Variants in TRDMT1 observed in about 807,000 individuals in gnomAD.
The protein encoded by TRDMT1 is tRNA aspartic acid methyltransferase 1, also known as tRNA (cytosine(38)-C(5))-methyltransferase.
TRDMT1 carries 49 observed loss-of-function variants against 51.2 expected under a neutral mutation model. The observed-to-expected ratio is 0.96, with a 90% CI of 0.76 to 1.21. The LOEUF (loss-of-function observed/expected upper bound fraction) is 1.21. TRDMT1 is among the 50% of genes most tolerant of loss of function. The pLI, the probability that TRDMT1 is intolerant of heterozygous loss-of-function variation, is 0.00. For synonymous variants in TRDMT1, 187 were observed against 164.6 expected (o/e 1.14, Z -1.04); for missense variants, 534 against 462.3 (o/e 1.16, Z -1.42).
intron 1 of TRDMT1, among the ~76,000 whole-genome samples, chr10:17,194,324 C>T (rs929272732): frequency 6.6e-6 from 1 of 152,116 alleles, no homozygotes; most frequent in Non-Finnish European, 1.5e-5. Flanking sequence ...AATTAAACTA[C>T]AGACCTTCGG....
At chr10:17,159,542 T>G (rs1166836624) in intron 6 of TRDMT1, among the ~76,000 whole-genome samples, 1 of 152,166 alleles carries the variant, frequency 6.6e-6, no homozygotes, top group African/African-American at 2.4e-5. Flanking sequence ...GATAATATAT[T>G]AATAATTTAA....
At chr10:17,156,202 T>C (rs1166529516) in intron 8 of TRDMT1, among the ~76,000 whole-genome samples, 4 of 151,734 alleles carry the variant, frequency 2.6e-5, no homozygotes, top group African/African-American at 9.7e-5. Flanking sequence ...TGAGTAGCAT[T>C]CAGAAAGCAC....
intron 1 of TRDMT1, among the ~76,000 whole-genome samples, chr10:17,176,121 G>T (rs1483062926): frequency 6.6e-6 from 1 of 152,108 alleles, no homozygotes; most frequent in African/African-American, 2.4e-5. Flanking sequence ...AATATATAAG[G>T]ATCCATTTGC....
At chr10:17,172,602 A>G (rs1298900473) in intron 2 of TRDMT1, among the ~76,000 whole-genome samples, 1 of 152,228 alleles carries the variant, frequency 6.6e-6, no homozygotes, top group Non-Finnish European at 1.5e-5. Context: ...ACATATAACC[A>G]ACAAGAGACA....
In TRDMT1 at chr10:17,147,431, T is replaced by C. The variant is rs1838216396; in HGVS notation, c.*1609A>G. ...ATGTAAAATTTATCATTTTAACTAT[T>C]TTTAAATATACAGTTGCAGTGGCAT... is the stretch of plus-strand genomic sequence containing the variant. On this transcript the variant is annotated 3_prime_UTR_variant, in exon 11 of 11. Transcript: ENST00000377799. 3.6e-6 allele frequency: 3 copies of C among 827,582 alleles called. No homozygotes were observed. The highest frequency in any genetic ancestry group is 4.4e-6 in the Non-Finnish European group (3 of 686,270). The allele number at this position is 827,582 out of a possible 1,614,324, so 51.3% of individuals were successfully genotyped here.
chr10:17,163,167 T>C (rs1840663039), intron 3 of TRDMT1, among the ~76,000 whole-genome samples: 1 of 152,004 alleles, frequency 6.6e-6, no homozygotes, highest in South Asian at 2.1e-4. Context: ...TTGGTTAGAG[T>C]AACCAGGGTC....
chr10:17,160,403 C>A, intron 5 of TRDMT1, 29 bp from the exon 6 acceptor site: 2 of 1,375,914 alleles, frequency 1.5e-6, no homozygotes, highest in South Asian at 2.9e-5. Context: ...AACTTTAATT[C>A]TTACTTGGAA....
At chr10:17,163,338 G>C (rs1840691891) in intron 3 of TRDMT1, among the ~76,000 whole-genome samples, 1 of 152,058 alleles carries the variant, frequency 6.6e-6, no homozygotes, top group Non-Finnish European at 1.5e-5. Context: ...TTGAGCCTGA[G>C]CAGCAGGAAC....
At chr10:17,162,268 A>C (rs1166584241) in intron 3 of TRDMT1, 31 bp from the exon 4 acceptor site, 9 of 1,524,582 alleles carry the variant, frequency 5.9e-6, no homozygotes, top group East Asian at 2.3e-5. Flanking sequence ...AAAAACAAAA[A>C]AAAACACAGA....
At chr10:17,153,901 A>C (rs941003195) in intron 9 of TRDMT1, among the ~76,000 whole-genome samples, 2 of 152,216 alleles carry the variant, frequency 1.3e-5, no homozygotes, top group African/African-American at 4.8e-5. Flanking sequence ...TAAAATCATA[A>C]GAGTATAAAC....
At position 17,167,671 on chromosome 10, in the gene TRDMT1, C is replaced by T. The variant is rs971604182; in HGVS notation, c.251+1170G>A. Reference sequence around the variant, plus strand: ...AATTTTTTAAATGAAGAGTTTATAACGTTGCTATGAAAAGTCAGAATTATT... The same window carrying T: ...AATTTTTTAAATGAAGAGTTTATAATGTTGCTATGAAAAGTCAGAATTATT... On this transcript the variant is annotated intron_variant, in intron 3 of 10. Transcript: ENST00000377799. 5.3e-5 allele frequency among the ~76,000 whole-genome samples: 8 copies of T among 152,050 alleles called. No homozygotes were observed. The South Asian group carries it at 6.2e-4, about 12-fold the overall frequency.
At chr10:17,153,308 G>A (rs1321429036) in intron 10 of TRDMT1, 199 bp downstream of exon 10, 2 of 597,288 alleles carry the variant, frequency 3.3e-6, no homozygotes, top group South Asian at 2.4e-5. Context: ...GTTAGAGAGG[G>A]GGAGAATGAG....
chr10:17,142,861 C>G lies in TRDMT1; in HGVS notation c.*6179G>C, dbSNP rs1291910268. On this transcript the variant is annotated 3_prime_UTR_variant, in exon 11 of 11. Transcript: ENST00000377799. The stretch of plus-strand genomic sequence containing the variant: ...CTTCCTGGTCCCACCTTTCAGAATT[C>G]TCCTTCTGATTCCTCTTGCATTATT... 3.5e-6 allele frequency: 2 copies of G among 567,274 alleles called. No individual in the cohort carries two copies. Among genetic ancestry groups the G allele is most frequent in the Non-Finnish European group, 4.5e-6 (2 of 447,844 alleles). 35.1% of individuals were successfully genotyped at this position (567,274 alleles called of 1,614,324 possible). A position where few individuals can be genotyped will look rare whatever the true frequency, so the allele number is the denominator to read the frequency against.
In TRDMT1 at chr10:17,149,129, T is replaced by C; in HGVS notation, c.1087A>G (p.Lys363Glu). ...GFPPEFGFPE[K>E]ITVKQRYRLL... ...CGATAACGCTGTTTCACTGTTATCT[T>C]CTCAGGAAATCCTAAAAAGACAAAG... Residue 363 changes from lysine (K) to glutamate (E), a missense_variant, in exon 11 of 11, where the codon AAG becomes GAG. Transcript: ENST00000377799. 6.2e-7 allele frequency: 1 copy of C among 1,607,350 alleles called. No homozygotes were observed. Among genetic ancestry groups the C allele is most frequent in the African/African-American group, 1.3e-5 (1 of 74,786 alleles).
In TRDMT1 at chr10:17,147,368, T is replaced by C. The variant is rs1838210825; in HGVS notation, c.*1672A>G. The C allele has an allele frequency of 2.0e-6, 2 of 983,758 alleles. No individual in the cohort carries two copies. The highest frequency in any genetic ancestry group is 2.4e-6 in the Non-Finnish European group (2 of 828,396). The allele number at this position is 983,758 out of a possible 1,614,324, so 60.9% of individuals were successfully genotyped here. A position where few individuals can be genotyped will look rare whatever the true frequency, so the allele number is the denominator to read the frequency against. On this transcript the variant is annotated 3_prime_UTR_variant, in exon 11 of 11. Transcript: ENST00000377799. Reference sequence around the variant, plus strand: ...TCTATGAGTTCTGAAAAATTGGTAATAGAGTATGATTTTTTCAATTGCAGT... The same window carrying C: ...TCTATGAGTTCTGAAAAATTGGTAACAGAGTATGATTTTTTCAATTGCAGT...
chr10:17,158,745 T>A (rs190372077), intron 7 of TRDMT1, among the ~76,000 whole-genome samples: 6 of 152,270 alleles, frequency 3.9e-5, no homozygotes, highest in African/African-American at 1.4e-4. Flanking sequence ...AACCCATGTA[T>A]TAAAATATTT....
At chr10:17,172,863 G>A (rs1842199768) in intron 2 of TRDMT1, among the ~76,000 whole-genome samples, 1 of 152,148 alleles carries the variant, frequency 6.6e-6, no homozygotes, top group South Asian at 2.1e-4. Context: ...GGGGAAATTG[G>A]AGGAATACTG....
chr10:17,176,938 T>C (rs539361238), intron 1 of TRDMT1, among the ~76,000 whole-genome samples: 1 of 152,094 alleles, frequency 6.6e-6, no homozygotes, highest in South Asian at 2.1e-4. Context: ...CTATGTGAGC[T>C]CCATCACTTG....
rs752250908 is a variant in TRDMT1 at position 17,157,542 on chromosome 10, G to A, written c.786C>T (p.Asp262=). Residue 262 remains aspartate (D), a synonymous_variant, in exon 8 of 11, where the codon GAC becomes GAT. Transcript: ENST00000377799. ...MLKDFLEDDT[D]VNQYLLPPKS... is the part of the protein sequence containing the mutation. ...TTGGTGGTAAAAGATACTGGTTCAC[G>A]TCAGTGTCATCTTCAAGAAAATCTT... The A allele has an allele frequency of 3.3e-5, 54 of 1,613,882 alleles. No individual in the cohort carries two copies. The highest frequency in any genetic ancestry group is 4.1e-5 in the Non-Finnish European group (48 of 1,179,932).
Sources: gnomAD v4.1 joint callset for allele counts (sites outside exome capture counted in the v4.1 genomes callset) on GRCh38, gnomAD v4.1.1 for gene constraint, MANE v1.5 for transcripts, NCBI Gene and HGNC (gene_info 2026-07-23, HGNC 2026-07-21) for gene names.